Variants in PBX3 observed in about 807,000 individuals in gnomAD.
PBX3 encodes pre-B-cell leukemia transcription factor 3.
In PBX3, 14 loss-of-function variants were observed where a neutral mutation model predicts 48.5. The observed-to-expected ratio is 0.29, with a 90% CI of 0.19 to 0.45. PBX3 has a LOEUF of 0.45. PBX3 is among the 20% of genes least tolerant of loss of function. The probability of loss-of-function intolerance (pLI) is 1.00; values close to 1 mark genes in which losing one functional copy is unlikely to be tolerated. For missense variants in PBX3, 386 were observed against 546.7 expected, an observed-to-expected ratio of 0.71 and a Z score of 2.93; for synonymous variants, 210 against 200.3, an observed-to-expected ratio of 1.05 and a Z score of -0.41.
chr9:125,832,259 G>A (rs192487207), intron 2 of PBX3, among the ~76,000 whole-genome samples: 2 of 151,012 alleles, frequency 1.3e-5, no homozygotes, highest in Non-Finnish European at 2.9e-5. Context: ...GCAGTGGCGC[G>A]ATCTCGGCTG....
chr9:125,927,229 T>C (rs1240072793), intron 3 of PBX3, among the ~76,000 whole-genome samples: 1 of 152,230 alleles, frequency 6.6e-6, no homozygotes, highest in Non-Finnish European at 1.5e-5. Context: ...TAGATGTTTA[T>C]TAGGTATGTA....
chr9:125,864,462 A>G (rs1382742356), intron 2 of PBX3, among the ~76,000 whole-genome samples: 3 of 152,174 alleles, frequency 2.0e-5, no homozygotes, highest in Non-Finnish European at 2.9e-5. Context: ...TATTTCTATT[A>G]TTATTACATT....
chr9:125,763,554 G>A (rs952534625), intron 2 of PBX3, among the ~76,000 whole-genome samples: 10 of 152,140 alleles, frequency 6.6e-5, no homozygotes, highest in African/African-American at 2.4e-4. Context: ...GCACCCCAGG[G>A]ATAAAGGCCT....
At chr9:125,755,968 T>G (rs960265957) in intron 2 of PBX3, among the ~76,000 whole-genome samples, 2 of 152,052 alleles carry the variant, frequency 1.3e-5, no homozygotes, top group African/African-American at 4.8e-5. Flanking sequence ...TGTTTATCAC[T>G]TATCTCTTCT....
At chr9:125,777,436 A>G (rs1301715344) in intron 2 of PBX3, among the ~76,000 whole-genome samples, 3 of 149,892 alleles carry the variant, frequency 2.0e-5, no homozygotes, top group African/African-American at 7.4e-5. Flanking sequence ...GCTCACTGCA[A>G]CCTCCACCCC....
chr9:125,815,921 A>T (rs1838446560), intron 2 of PBX3, among the ~76,000 whole-genome samples: 1 of 151,926 alleles, frequency 6.6e-6, no homozygotes, highest in African/African-American at 2.4e-5. Context: ...CTCATTTGTT[A>T]TCTGTGTTAC....
chr9:125,966,612 C>T lies in PBX3; in HGVS notation c.*689C>T, dbSNP rs576096520. The T allele has an allele frequency of 1.3e-5, 2 of 152,812 alleles. 1 individual carries two copies. The highest frequency in any genetic ancestry group is 4.1e-4 in the South Asian group (2 of 4,826). 9.5% of individuals were successfully genotyped at this position (152,812 alleles called of 1,614,324 possible). ...TGATAGAGGTGAAAACGAGATTGAT[C>T]CGTCTGGGGTTTTACGGTGTGCACT... On this transcript the variant is annotated 3_prime_UTR_variant, in exon 9 of 9. Transcript: ENST00000373489.
intron 2 of PBX3, among the ~76,000 whole-genome samples, chr9:125,912,642 A>AT (rs1449707063): frequency 6.6e-6 from 1 of 152,156 alleles, no homozygotes; most frequent in Non-Finnish European, 1.5e-5. Context: ...AATAGGGTTT[A>AT]TTTTTTAAAC....
chr9:125,791,508 G>A (rs117836350), intron 2 of PBX3, among the ~76,000 whole-genome samples: 3,023 of 152,164 alleles, frequency 0.02, 169 homozygotes, highest in East Asian at 0.17. Flanking sequence ...ATGGTAGTGA[G>A]TGAGTTCTCA....
intron 2 of PBX3, 113 bp downstream of exon 2, chr9:125,748,736 A>G: frequency 4.2e-6 from 3 of 707,438 alleles, no homozygotes; most frequent in Non-Finnish European, 7.4e-6. Flanking sequence ...ATCTTTGATC[A>G]TTCTCTCCTT....
chr9:125,754,366 C>T (rs1836454697), intron 2 of PBX3, among the ~76,000 whole-genome samples: 1 of 152,018 alleles, frequency 6.6e-6, no homozygotes. Flanking sequence ...CTTCAGTAGG[C>T]CATTTGAGTC....
At chr9:125,872,475 C>A (rs2132324405) in intron 2 of PBX3, among the ~76,000 whole-genome samples, 1 of 152,252 alleles carries the variant, frequency 6.6e-6, no homozygotes, top group East Asian at 1.9e-4. Flanking sequence ...TATGTGATAT[C>A]AGATAAAGTA....
At chr9:125,888,468 G>A (rs991710277) in intron 2 of PBX3, among the ~76,000 whole-genome samples, 1 of 152,112 alleles carries the variant, frequency 6.6e-6, no homozygotes, top group African/African-American at 2.4e-5. Flanking sequence ...TCACTCTGCT[G>A]TAGGAGAGGA....
At chr9:125,843,623 T>C (rs1435941108) in intron 2 of PBX3, 1 of 241,578 alleles carries the variant, frequency 4.1e-6, no homozygotes, top group Non-Finnish European at 8.6e-6. Context: ...GTGCTTGGTA[T>C]CCTTGACAAC....
chr9:125,797,097 TATA>T (rs1475133187), intron 2 of PBX3, among the ~76,000 whole-genome samples: 6 of 152,136 alleles, frequency 3.9e-5, no homozygotes, highest in African/African-American at 1.4e-4. Flanking sequence ...TCAACAGAAT[TATA>T]ATACTATAGT....
intron 2 of PBX3, among the ~76,000 whole-genome samples, chr9:125,823,092 G>A (rs1159260139): frequency 2.0e-5 from 3 of 151,948 alleles, no homozygotes; most frequent in Admixed American, 2.0e-4. Context: ...TCTTGTATGT[G>A]TAAGTTTGTG....
At chr9:125,910,990 G>A (rs538818729) in intron 2 of PBX3, among the ~76,000 whole-genome samples, 1 of 152,006 alleles carries the variant, frequency 6.6e-6, no homozygotes, top group Admixed American at 6.6e-5. Flanking sequence ...TTAAGGGTCT[G>A]CCTTTCCTGG....
chr9:125,780,441 C>T (rs1451042277), intron 2 of PBX3, among the ~76,000 whole-genome samples: 23 of 112,362 alleles, frequency 2.0e-4, no homozygotes, highest in South Asian at 9.8e-4. Flanking sequence ...CCCTCCCAGA[C>T]GGGGCGGCTG....
intron 2 of PBX3, among the ~76,000 whole-genome samples, chr9:125,869,968 A>G (rs1275735761): frequency 6.6e-6 from 1 of 151,996 alleles, no homozygotes; most frequent in Non-Finnish European, 1.5e-5. Flanking sequence ...AAAGAGGTTC[A>G]GTGGACTCAC....
Sources: gnomAD v4.1 joint callset for allele counts (sites outside exome capture counted in the v4.1 genomes callset) on GRCh38, gnomAD v4.1.1 for gene constraint, MANE v1.5 for transcripts, NCBI Gene and HGNC (gene_info 2026-07-23, HGNC 2026-07-21) for gene names.